The following DYNC2H1 variants were observed in gnomAD, a reference collection of about 807,000 sequenced individuals.
The protein encoded by DYNC2H1 is dynein cytoplasmic 2 heavy chain 1, also known as cytoplasmic dynein 2 heavy chain 1.
In DYNC2H1, 410 loss-of-function variants were observed where a neutral mutation model predicts 570.0. That is an observed-to-expected ratio of 0.72 (90% CI 0.66 to 0.78). DYNC2H1 has a LOEUF of 0.78. Ranked by LOEUF, DYNC2H1 falls within the 30% of genes least tolerant of loss-of-function variation. The probability of loss-of-function intolerance (pLI) is 0.00; values close to 1 mark genes in which losing one functional copy is unlikely to be tolerated. For synonymous variants in DYNC2H1, 1,688 were observed against 1,677.6 expected (o/e 1.01, Z -0.15); for missense variants, 4,865 against 5,046.4 (o/e 0.96, Z 1.09).
intron 84 of DYNC2H1, among the ~76,000 whole-genome samples, chr11:103,413,759 T>C (rs954812858): frequency 2.2e-4 from 33 of 152,314 alleles, no homozygotes; most frequent in African/African-American, 7.7e-4. Flanking sequence ...GTACTTATAA[T>C]GTAAATCAAT....
intron 6 of DYNC2H1, among the ~76,000 whole-genome samples, chr11:103,119,403 G>A (rs1485156507): frequency 6.6e-6 from 1 of 152,000 alleles, no homozygotes; most frequent in East Asian, 1.9e-4. Context: ...ACAGTGAGGT[G>A]ATCTTGGCTC....
chr11:103,140,786 A>G (rs1038073206), intron 17 of DYNC2H1, among the ~76,000 whole-genome samples: 1 of 152,184 alleles, frequency 6.6e-6, no homozygotes, highest in Non-Finnish European at 1.5e-5. Flanking sequence ...CCTGGATAAT[A>G]TCCTGCAGAA....
chr11:103,232,890 G>A (rs1429945151), intron 60 of DYNC2H1, among the ~76,000 whole-genome samples: 2 of 19,512 alleles, frequency 1.0e-4, no homozygotes. Context: ...GAAATGTTCT[G>A]TGCTCTGTGT....
intron 21 of DYNC2H1, 109 bp from the exon 22 acceptor site, chr11:103,153,194 G>A (rs925634188): frequency 1.6e-5 from 14 of 894,116 alleles, no homozygotes; most frequent in Non-Finnish European, 1.6e-6. Flanking sequence ...AGTTGACATT[G>A]GTCATTGATA....
At chr11:103,402,470 T>C (rs903714320) in intron 84 of DYNC2H1, 3 of 152,056 alleles carry the variant, frequency 2.0e-5, no homozygotes, top group East Asian at 3.9e-4. Context: ...AAAAGAGTCA[T>C]AGAGTTGAAG....
intron 17 of DYNC2H1, among the ~76,000 whole-genome samples, chr11:103,136,479 G>C (rs1859560462): frequency 6.6e-6 from 1 of 151,430 alleles, no homozygotes; most frequent in South Asian, 2.1e-4. Context: ...TGCGGTGTTT[G>C]GTTTTTTGTT....
intron 84 of DYNC2H1, chr11:103,402,668 TTAG>T (rs1029865099): frequency 6.6e-6 from 1 of 151,938 alleles, no homozygotes; most frequent in Non-Finnish European, 1.5e-5. Flanking sequence ...TTGAGAATGG[TTAG>T]TAGGATTAAA....
Position 103,326,866 on chromosome 11 carries a change from G to T in DYNC2H1, c.12039+2876G>T, listed in dbSNP as rs1023992102. On this transcript the variant is annotated intron_variant, in intron 82 of 88. Coordinates refer to ENST00000375735, the MANE Select transcript of DYNC2H1 (RefSeq NM_001377.3). The surrounding 1 kb of genome is among the most constrained non-coding windows in gnomAD (Gnocchi z 6.1). Reference sequence around the variant, plus strand: ...ACCCCTGGGGGAATGGGCACTTAGGGCCTTACTCTACTACAGCTGTCCTGC... The same window carrying T: ...ACCCCTGGGGGAATGGGCACTTAGGTCCTTACTCTACTACAGCTGTCCTGC... 5.3e-5 allele frequency among the ~76,000 whole-genome samples: 8 copies of T among 152,134 alleles called. No individual in the cohort carries two copies. Among genetic ancestry groups the T allele is most frequent in the African/African-American group, 1.7e-4 (7 of 41,434 alleles).
At position 103,264,244 on chromosome 11, in the gene DYNC2H1, A is replaced by G. The variant is rs1235692884; in HGVS notation, c.10695+4267A>G. ...TACCAACCAAAAAAAGCCCAGGGTC[A>G]GATGGATTCACAGCCAAATTCTACC... On this transcript the variant is annotated intron_variant, in intron 70 of 88. Transcript: ENST00000375735. This position sits in a 1 kb window ranked among gnomAD's most constrained non-coding sequence, Gnocchi z 4.8. Among the ~76,000 whole-genome samples the G allele has an allele frequency of 6.6e-6, 1 of 152,218 alleles. No homozygotes were observed. Among genetic ancestry groups the G allele is most frequent in the African/African-American group, 2.4e-5 (1 of 41,462 alleles).
intron 65 of DYNC2H1, among the ~76,000 whole-genome samples, chr11:103,247,793 A>G (rs1028551764): frequency 3.9e-5 from 6 of 152,038 alleles, no homozygotes; most frequent in Non-Finnish European, 7.4e-5. Context: ...AGAATATCCA[A>G]TGCTATAGAT....
intron 84 of DYNC2H1, among the ~76,000 whole-genome samples, chr11:103,419,071 C>T (rs1943385857): frequency 6.6e-6 from 1 of 152,148 alleles, no homozygotes; most frequent in Admixed American, 6.5e-5. Context: ...TGGCACTTCA[C>T]AAGGTAAGAC....
intron 83 of DYNC2H1, 59 bp from the exon 84 acceptor site, chr11:103,399,604 T>G: frequency 1.6e-6 from 2 of 1,217,030 alleles, no homozygotes; most frequent in Non-Finnish European, 1.2e-6. Flanking sequence ...TTTCAAAGCG[T>G]TTTATATATC....
intron 78 of DYNC2H1, among the ~76,000 whole-genome samples, chr11:103,310,250 G>T (rs1867512711): frequency 6.6e-6 from 1 of 151,394 alleles, no homozygotes; most frequent in African/African-American, 2.4e-5. Context: ...CCTTTCTAAT[G>T]CTGTCTTTAG....
chr11:103,250,109 A>G (rs1864773125), intron 65 of DYNC2H1, among the ~76,000 whole-genome samples: 2 of 151,720 alleles, frequency 1.3e-5, no homozygotes, highest in South Asian at 2.1e-4. Flanking sequence ...TTTTGTTTCT[A>G]TTGTGTTTTT....
rs1862167409 is a variant in DYNC2H1 at position 103,188,525 on chromosome 11, A to G, written c.7169A>G (p.Glu2390Gly). 2 of 1,607,362 alleles carry G rather than the reference A, an allele frequency of 1.2e-6. No individual in the cohort carries two copies. The highest frequency in any genetic ancestry group is 2.7e-5 in the African/African-American group (2 of 74,776). The change falls in exon 44 of 89, where the codon GAA (glutamate) becomes GGA (glycine). Residue 2390 changes from glutamate (E) to glycine (G), a missense_variant. Coordinates refer to ENST00000375735, the MANE Select transcript of DYNC2H1 (RefSeq NM_001377.3). ...QVLTYQGFYD[E>G]NLEWVGLENI... ...TTGACGTATCAAGGATTTTATGATGAAAATTTGGAATGGGTTGGTCTAGAA... is the reference window on the plus strand; with the variant it reads ...TTGACGTATCAAGGATTTTATGATGGAAATTTGGAATGGGTTGGTCTAGAA...
intron 82 of DYNC2H1, among the ~76,000 whole-genome samples, chr11:103,331,080 G>C (rs1165621319): frequency 6.6e-6 from 1 of 152,196 alleles, no homozygotes; most frequent in Non-Finnish European, 1.5e-5. Flanking sequence ...AATCTAAGGA[G>C]ATGCAGTTGC....
chr11:103,245,129 C>A lies in DYNC2H1; in HGVS notation c.9919-122C>A. The A allele has an allele frequency of 2.5e-6, 2 of 811,896 alleles. No individual in the cohort carries two copies. The highest frequency in any genetic ancestry group is 3.7e-6 in the Non-Finnish European group (2 of 547,548). The allele number at this position is 811,896 out of a possible 1,614,324, so 50.3% of individuals were successfully genotyped here. On this transcript the variant is annotated intron_variant, in intron 64 of 88. Coordinates refer to ENST00000375735, the MANE Select transcript of DYNC2H1 (RefSeq NM_001377.3). The surrounding 1 kb of genome is among the most constrained non-coding windows in gnomAD (Gnocchi z 4.5). The stretch of plus-strand genomic sequence containing the variant: ...AATACTTGGGTGAGTAATTTATTAC[C>A]TATAGAATCTGAAATTGTGTTTCTA...
At position 103,151,330 on chromosome 11, in the gene DYNC2H1, T is replaced by A. The variant is rs766786607; in HGVS notation, c.2947-806T>A. Among the ~76,000 whole-genome samples, 1 of 152,086 alleles carries A rather than the reference T, an allele frequency of 6.6e-6. No individual in the cohort carries two copies. The highest frequency in any genetic ancestry group is 6.6e-5 in the Admixed American group (1 of 15,252). On this transcript the variant is annotated intron_variant, in intron 20 of 88. Transcript: ENST00000375735. The surrounding 1 kb of genome is among the most constrained non-coding windows in gnomAD (Gnocchi z 4.6). The stretch of plus-strand genomic sequence containing the variant: ...GTTGCTTAGGTTAATCTTAATCCCC[T>A]CGCCTCGGCCTCCCAAAGTGCTAGG...
At position 103,181,060 on chromosome 11, in the gene DYNC2H1, G is replaced by T. The variant is rs1399284242; in HGVS notation, c.6348-697G>T. Among the ~76,000 whole-genome samples the T allele has an allele frequency of 6.6e-6, 1 of 151,290 alleles. No individual in the cohort carries two copies. The highest frequency in any genetic ancestry group is 1.5e-5 in the Non-Finnish European group (1 of 67,548). On this transcript the variant is annotated intron_variant, in intron 39 of 88. Transcript: ENST00000375735. The surrounding 1 kb of genome is among the most constrained non-coding windows in gnomAD (Gnocchi z 5.0). ...TTATAATTATATAAGGTATAATTTT[G>T]AATAAGATGTGAATCTCTATTATTT...
Sources: allele counts gnomAD v4.1 joint callset (sites outside exome capture counted in the v4.1 genomes callset), GRCh38; gene constraint gnomAD v4.1.1; non-coding constraint Gnocchi (gnomAD v3.1); transcripts MANE v1.5; gene names NCBI Gene and HGNC (gene_info 2026-07-23, HGNC 2026-07-21).